The following CELSR1 variants were observed in gnomAD, a reference collection of about 807,000 sequenced individuals.
CELSR1 encodes the protein adhesion G protein-coupled receptor C1.
In CELSR1, 110 loss-of-function variants were observed where a neutral mutation model predicts 249.1. That is an observed-to-expected ratio of 0.44 (90% CI 0.38 to 0.52). The LOEUF is 0.52. Ranked by LOEUF, CELSR1 falls within the 20% of genes least tolerant of loss-of-function variation. The pLI is 0.00. For missense variants in CELSR1, 4,109 were observed against 4,296.4 expected (o/e 0.96, Z 1.22); for synonymous variants, 2,113 against 1,900.0 (o/e 1.11, Z -2.92).
At chr22:46,426,959 C>G (rs533037171) in intron 5 of CELSR1, among the ~76,000 whole-genome samples, 2 of 152,106 alleles carry the variant, frequency 1.3e-5, no homozygotes, top group Non-Finnish European at 2.9e-5. Flanking sequence ...CCAGGCAGCA[C>G]GAATGGGCTG....
Position 46,365,590 on chromosome 22 carries a change from G to A in CELSR1, c.8400C>T (p.Pro2800=), listed in dbSNP as rs367621773. The A allele has an allele frequency of 8.8e-6, 14 of 1,588,398 alleles. No homozygotes were observed. The highest frequency in any genetic ancestry group is 1.0e-5 in the Non-Finnish European group (12 of 1,167,684). The change falls in exon 31 of 35, where the codon CCC becomes CCT. Residue 2800 remains proline (P), a synonymous_variant. Coordinates refer to ENST00000674500, the MANE Select transcript of CELSR1 (RefSeq NM_001378328.1). The part of the protein sequence containing the change: ...ASLMPRSCKD[P]PGHDSDSDSE... ...CCCCCTCCAGGGAAGCCATACCAGG[G>A]GGATCCTTGCAGCTCCTGGGCATGA...
rs1388349219 is a variant in CELSR1, at chr22:46,413,623, G to A, written c.4612-1864C>T. On this transcript the variant is annotated intron_variant, in intron 5 of 34. Transcript: ENST00000674500. The surrounding 1 kb of genome is among the most constrained non-coding windows in gnomAD (Gnocchi z 4.7). The stretch of plus-strand genomic sequence containing the variant: ...GCTTCTACCATGACCCCTGGTATTC[G>A]AATGCATGGATCACCTTTTTCATTT... Among the ~76,000 whole-genome samples the A allele has an allele frequency of 1.3e-5, 2 of 152,308 alleles. No homozygotes were observed. Among genetic ancestry groups the A allele is most frequent in the Middle Eastern group, 6.8e-3 (2 of 294 alleles).
chr22:46,422,577 A>AAT (rs1569152452), intron 5 of CELSR1, among the ~76,000 whole-genome samples: 9 of 149,600 alleles, frequency 6.0e-5, no homozygotes, highest in African/African-American at 1.7e-4. Flanking sequence ...TACTAAAAAA[A>AAT]AATAATAATA....
rs572458682 is a variant in CELSR1 at position 46,420,272 on chromosome 22, G to A, written c.4612-8513C>T. Among the ~76,000 whole-genome samples the A allele has an allele frequency of 3.3e-5, 5 of 149,348 alleles. No homozygotes were observed. The East Asian group carries it at 5.9e-4, about 18-fold the overall frequency. ...CACTCAAATGCACTCGCCCACACAC[G>A]TGCACTCATATATGCACACTCAGCC... On this transcript the variant is annotated intron_variant, in intron 5 of 34. Transcript: ENST00000674500.
At chr22:46,530,810 C>A (rs2080784013) in intron 1 of CELSR1, among the ~76,000 whole-genome samples, 1 of 152,226 alleles carries the variant, frequency 6.6e-6, no homozygotes, top group Admixed American at 6.5e-5. Context: ...CTCCGATGCG[C>A]TCCTCCCTCC....
chr22:46,481,760 CCA>C lies in CELSR1; in HGVS notation c.3545-17417_3545-17416del, dbSNP rs2080268944. 4 of 446,788 alleles carry C rather than the reference CCA, an allele frequency of 9.0e-6. No homozygotes were observed. In the South Asian group the frequency reaches 1.1e-4, roughly 12 times the overall value. The allele number at this position is 446,788 out of a possible 1,614,324, so 27.7% of individuals were successfully genotyped here. On this transcript the variant is annotated intron_variant, in intron 1 of 34. Coordinates refer to ENST00000674500, the MANE Select transcript of CELSR1 (RefSeq NM_001378328.1). ...TCCCCAGTGGCAACCCTGTGCTGCC[CCA>C]GTTATTTGAACTTTTCTAAATCTTT...
intron 1 of CELSR1, among the ~76,000 whole-genome samples, chr22:46,525,962 T>A (rs939329933): frequency 6.6e-6 from 1 of 152,230 alleles, no homozygotes; most frequent in African/African-American, 2.4e-5. Context: ...CCCAGGGCTT[T>A]GGGAACTTGC....
Position 46,441,392 on chromosome 22 carries a change from G to A in CELSR1, c.4184-1981C>T, listed in dbSNP as rs1025319692. On this transcript the variant is annotated intron_variant, in intron 2 of 34. Coordinates refer to ENST00000674500, the MANE Select transcript of CELSR1 (RefSeq NM_001378328.1). The surrounding 1 kb of genome is among the most constrained non-coding windows in gnomAD (Gnocchi z 6.1). The stretch of plus-strand genomic sequence containing the variant: ...GACGGCCAGTGGGATTCACACAGCC[G>A]CTGCCGTGTGGGGCAGCCTAATTTG... Among the ~76,000 whole-genome samples, 2 of 151,954 alleles carry A rather than the reference G, an allele frequency of 1.3e-5. No individual in the cohort carries two copies. The highest frequency in any genetic ancestry group is 2.9e-5 in the Non-Finnish European group (2 of 68,004).
Position 46,396,829 on chromosome 22 carries a change from C to G in CELSR1, c.5702-83G>C. On this transcript the variant is annotated intron_variant, in intron 12 of 34. Coordinates refer to ENST00000674500, the MANE Select transcript of CELSR1 (RefSeq NM_001378328.1). The surrounding 1 kb of genome is among the most constrained non-coding windows in gnomAD (Gnocchi z 6.4). ...AAATATCTGGAGCAACCTGTCCCCT[C>G]CAGAAGATCTGACTTTCCCTGGTAC... The G allele has an allele frequency of 1.3e-6, 2 of 1,532,132 alleles. No homozygotes were observed. The highest frequency in any genetic ancestry group is 1.8e-6 in the Non-Finnish European group (2 of 1,131,132). The allele number at this position is 1,532,132 out of a possible 1,614,324, so 94.9% of individuals were successfully genotyped here.
At position 46,390,916 on chromosome 22, in the gene CELSR1, C is replaced by G. The variant is rs1033667300; in HGVS notation, c.6250+270G>C. Among the ~76,000 whole-genome samples the G allele has an allele frequency of 1.3e-5, 2 of 152,228 alleles. No individual in the cohort carries two copies. The highest frequency in any genetic ancestry group is 2.9e-5 in the Non-Finnish European group (2 of 68,042). ...TGCTATGAACAGTGAAGCCACTTGT[C>G]CCGGTGCCCCAGCCTGAGCGGCAGA... On this transcript the variant is annotated intron_variant, in intron 16 of 34. Transcript: ENST00000674500. The surrounding 1 kb of genome is among the most constrained non-coding windows in gnomAD (Gnocchi z 6.3).
rs2079280100 is a variant in CELSR1 at position 46,407,563 on chromosome 22, CA to C, written c.5226+1432del. Among the ~76,000 whole-genome samples, 2 of 151,976 alleles carry C rather than the reference CA, an allele frequency of 1.3e-5. No homozygotes were observed. The highest frequency in any genetic ancestry group is 4.2e-4 in the South Asian group (2 of 4,812). ...AGGAGAATCGCTTGAACCTGGGGGG[CA>C]GAAGTTGCAGTGAGCTGAGGTTACG... On this transcript the variant is annotated intron_variant, in intron 9 of 34. Transcript: ENST00000674500. The surrounding 1 kb of genome is among the most constrained non-coding windows in gnomAD (Gnocchi z 4.8).
At chr22:46,457,013 C>G (rs1291918174) in intron 2 of CELSR1, among the ~76,000 whole-genome samples, 1 of 152,166 alleles carries the variant, frequency 6.6e-6, no homozygotes, top group African/African-American at 2.4e-5. Flanking sequence ...TACTCGGTTC[C>G]TGATTCCCAA....
Position 46,436,249 on chromosome 22 carries a change from C to A in CELSR1, c.4447G>T (p.Gly1483Cys), listed in dbSNP as rs1168022499. The A allele has an allele frequency of 5.0e-6, 8 of 1,614,072 alleles. No homozygotes were observed. The highest frequency in any genetic ancestry group is 1.1e-5 in the South Asian group (1 of 91,080). Residue 1483 changes from glycine to cysteine, a missense_variant, in exon 4 of 35, where the codon GGC becomes TGC. By Grantham distance (159) the Gly-to-Cys change is radical. Around this residue, in one of 7 missense-constraint regions of CELSR1, gnomAD observed 453 missense variants for 492.0 expected, o/e 0.92. Transcript: ENST00000674500. The surrounding 1 kb of genome is among the most constrained non-coding windows in gnomAD (Gnocchi z 5.9). ...QERNGLLLYNGRFNEKHDFIA... is the reference protein window; with the variant it reads ...QERNGLLLYNCRFNEKHDFIA... ...AAGTCGTGCTTCTCATTGAAGCGGC[C>A]GTTGTAGAGAAGCAAGCCGTTCCTT...
intron 1 of CELSR1, among the ~76,000 whole-genome samples, chr22:46,502,633 C>T (rs1037729553): frequency 6.6e-6 from 1 of 152,142 alleles, no homozygotes; most frequent in Admixed American, 6.5e-5. Flanking sequence ...CAATACTTTG[C>T]TTTGTGCTTT....
intron 5 of CELSR1, among the ~76,000 whole-genome samples, chr22:46,431,525 C>T (rs978348427): frequency 3.9e-5 from 6 of 152,220 alleles, no homozygotes; most frequent in South Asian, 4.1e-4. Context: ...GCTTCCCTGA[C>T]GATGGGGCAC....
At position 46,391,303 on chromosome 22, in the gene CELSR1, G is replaced by A. The variant is rs1201821456; in HGVS notation, c.6149-16C>T. 1.9e-6 allele frequency: 3 copies of A among 1,610,218 alleles called. No homozygotes were observed. The highest frequency in any genetic ancestry group is 2.5e-6 in the Non-Finnish European group (3 of 1,177,266). The stretch of plus-strand genomic sequence containing the variant: ...TTGTAGATCACTGGGGTAGAGAAGA[G>A]AGAAGTCTGCTCAGCGGGGCACGCC... On this transcript the variant is annotated splice_polypyrimidine_tract_variant and intron_variant, in intron 15 of 34. Coordinates refer to ENST00000674500, the MANE Select transcript of CELSR1 (RefSeq NM_001378328.1). The surrounding 1 kb of genome is among the most constrained non-coding windows in gnomAD (Gnocchi z 4.3).
At chr22:46,461,557 G>A (rs893457007) in intron 2 of CELSR1, among the ~76,000 whole-genome samples, 1 of 152,194 alleles carries the variant, frequency 6.6e-6, no homozygotes, top group African/African-American at 2.4e-5. Context: ...TTACCCTAGG[G>A]CTCCTGACTC....
At chr22:46,501,061 T>A in intron 1 of CELSR1, among the ~76,000 whole-genome samples, 1 of 151,914 alleles carries the variant, frequency 6.6e-6, no homozygotes, top group Non-Finnish European at 1.5e-5. Context: ...TGAGACAGAG[T>A]CTTGCTCTGT....
rs376538172 is a variant in CELSR1 at position 46,463,696 on chromosome 22, C to G, written c.4183+11G>C. 5 of 1,509,764 alleles carry G rather than the reference C, an allele frequency of 3.3e-6. No homozygotes were observed. The highest frequency in any genetic ancestry group is 1.4e-5 in the African/African-American group (1 of 71,622). 93.5% of individuals were successfully genotyped at this position (1,509,764 alleles called of 1,614,324 possible). On this transcript the variant is annotated intron_variant, in intron 2 of 34. Transcript: ENST00000674500. ...CATGTACACAAAGCCAGGGTGAGCC[C>G]GGGCACCTACCAGTGAAGTCCTCGA... is the stretch of plus-strand genomic sequence containing the variant.
Sources: gnomAD v4.1 joint callset for allele counts (sites outside exome capture counted in the v4.1 genomes callset) on GRCh38, gnomAD v4.1.1 for gene constraint, gnomAD v4.1.1 regional missense constraint, Gnocchi (gnomAD v3.1) non-coding constraint, MANE v1.5 for transcripts, NCBI Gene and HGNC (gene_info 2026-07-23, HGNC 2026-07-21) for gene names.